YIPF5: variants seen among roughly 807,000 people sequenced by gnomAD.
YIPF5 encodes the protein protein YIPF5.
A neutral mutation model predicts 30.4 loss-of-function variants in YIPF5; 8 were observed. The observed-to-expected ratio is 0.26, with a 90% CI of 0.15 to 0.47. The LOEUF (loss-of-function observed/expected upper bound fraction) is 0.47. Among genes scored for constraint, YIPF5 ranks in the 20% least tolerant of loss-of-function variants. YIPF5 has a pLI of 0.99. For missense variants in YIPF5, 282 were observed against 301.8 expected, an observed-to-expected ratio of 0.93 and a Z score of 0.49; for synonymous variants, 104 against 107.9, an observed-to-expected ratio of 0.96 and a Z score of 0.23.
chr5:144,167,899 G>C (rs2126762228), intron 2 of YIPF5, among the ~76,000 whole-genome samples: 1 of 149,130 alleles, frequency 6.7e-6, no homozygotes, highest in South Asian at 2.1e-4. Context: ...AATATTATTT[G>C]GTTAACGGAG....
intron 2 of YIPF5, among the ~76,000 whole-genome samples, chr5:144,167,048 CTT>C (rs1185456968): frequency 6.6e-6 from 1 of 152,106 alleles, no homozygotes; most frequent in Non-Finnish European, 1.5e-5. Context: ...ATGAAAATAA[CTT>C]TGACTTTAAA....
chr5:144,165,335 T>C, intron 3 of YIPF5, 97 bp downstream of exon 3: 6 of 1,482,658 alleles, frequency 4.0e-6, no homozygotes, highest in Non-Finnish European at 5.4e-6. Context: ...ACAGATTATT[T>C]TTTTTAAAGG....
chr5:144,164,986 C>A (rs1752162405), intron 3 of YIPF5, among the ~76,000 whole-genome samples: 1 of 151,950 alleles, frequency 6.6e-6, no homozygotes, highest in Non-Finnish European at 1.5e-5. Flanking sequence ...GTGTTCATAC[C>A]TTTCATTAGA....
Position 144,164,210 on chromosome 5 carries a change from T to C in YIPF5, c.330A>G (p.Val110=), listed in dbSNP as rs1752132977. 2.5e-6 allele frequency: 4 copies of C among 1,613,110 alleles called. No homozygotes were observed. Among genetic ancestry groups the C allele is most frequent in the Non-Finnish European group, 2.5e-6 (3 of 1,179,580 alleles). ...CATCTGCTACTTTTAACGGATGTAATACTGTTAGTGTTTTTTGCCAGATGT... is the reference window on the plus strand; with the variant it reads ...CATCTGCTACTTTTAACGGATGTAACACTGTTAGTGTTTTTTGCCAGATGT... ...FDHIWQKTLT[V]LHPLKVADGS... is the part of the protein sequence containing the mutation. The change falls in exon 4 of 6, where the codon GTA becomes GTG. Residue 110 remains valine, a synonymous_variant. Transcript: ENST00000274496.
intron 4 of YIPF5, among the ~76,000 whole-genome samples, chr5:144,163,516 C>T (rs898669263): frequency 6.6e-6 from 1 of 152,102 alleles, no homozygotes; most frequent in African/African-American, 2.4e-5. Flanking sequence ...TGATCAGGAG[C>T]ACTCAGTTCA....
In YIPF5 at chr5:144,165,505, A is replaced by G; in HGVS notation, c.210T>C (p.Thr70=). Residue 70 remains threonine (T), a synonymous_variant, in exon 3 of 6, where the codon ACT becomes ACC. Coordinates refer to ENST00000274496, the MANE Select transcript of YIPF5 (RefSeq NM_030799.9). ...GAGGTGAAGCTGGAGTATATGCCTG[A>G]GTTGGCTGGTAAATCTGCCCGGTGT... ...QPYTGQIYQP[T]QAYTPASPQP... is the part of the protein sequence containing the mutation. 4 of 1,614,172 alleles carry G rather than the reference A, an allele frequency of 2.5e-6. No individual in the cohort carries two copies. In the East Asian group the frequency reaches 8.9e-5, roughly 36 times the overall value.
chr5:144,164,670 G>C (rs1260506370), intron 3 of YIPF5, among the ~76,000 whole-genome samples: 1 of 151,898 alleles, frequency 6.6e-6, no homozygotes, highest in African/African-American at 2.4e-5. Flanking sequence ...AAAGCACTGG[G>C]ATTACAGGCG....
At chr5:144,168,996 G>A (rs1752279291) in intron 2 of YIPF5, among the ~76,000 whole-genome samples, 1 of 152,048 alleles carries the variant, frequency 6.6e-6, no homozygotes, top group South Asian at 2.1e-4. Flanking sequence ...CATTTATTTG[G>A]GTGTTTGAGT....
chr5:144,168,686 G>A (rs1752267773), intron 2 of YIPF5, among the ~76,000 whole-genome samples: 1 of 152,128 alleles, frequency 6.6e-6, no homozygotes, highest in African/African-American at 2.4e-5. Flanking sequence ...TTTTAGAGGG[G>A]AAAACAAAGC....
chr5:144,159,938 G>A lies in YIPF5; in HGVS notation c.*459C>T. ...TTAACCAGGATGGTCTCGATCTCCT[G>A]CCCTTGTGATCCGCCCGCCTCGGCC... On this transcript the variant is annotated 3_prime_UTR_variant, in exon 6 of 6. Coordinates refer to ENST00000274496, the MANE Select transcript of YIPF5 (RefSeq NM_030799.9). 1 of 862,402 alleles carries A rather than the reference G, an allele frequency of 1.2e-6. No homozygotes were observed. Among genetic ancestry groups the A allele is most frequent in the Non-Finnish European group, 1.4e-6 (1 of 718,010 alleles). The allele number at this position is 862,402 out of a possible 1,614,324, so 53.4% of individuals were successfully genotyped here.
chr5:144,163,298 C>T (rs2126758256), intron 4 of YIPF5, among the ~76,000 whole-genome samples: 1 of 152,230 alleles, frequency 6.6e-6, no homozygotes, highest in South Asian at 2.1e-4. Context: ...ATTAAAAATG[C>T]AGAAGTTTGA....
intron 5 of YIPF5, among the ~76,000 whole-genome samples, chr5:144,161,185 C>T (rs964182936): frequency 6.6e-6 from 1 of 152,080 alleles, no homozygotes; most frequent in African/African-American, 2.4e-5. Flanking sequence ...TCTTCTCCTC[C>T]CAAACCTCCA....
chr5:144,161,166 A>G (rs998546922), intron 5 of YIPF5, among the ~76,000 whole-genome samples: 9 of 152,074 alleles, frequency 5.9e-5, no homozygotes, highest in African/African-American at 2.2e-4. Flanking sequence ...AATAATCGAC[A>G]TATTTGTCTC....
At chr5:144,166,897 TA>T (rs1752217757) in intron 2 of YIPF5, among the ~76,000 whole-genome samples, 1 of 152,190 alleles carries the variant, frequency 6.6e-6, no homozygotes. Flanking sequence ...GAGTGATGAA[TA>T]ATATGATGAC....
chr5:144,158,701 CTTTTTTAAA>C lies in YIPF5; in HGVS notation c.*1687_*1695del, dbSNP rs1345167302. ...GCCTATCAAATTACCTTCCAAATTGCTTTTTTAAAGCAATTTGGTAAGTTTGAAAACCTA... is the reference window on the plus strand; with the variant it reads ...GCCTATCAAATTACCTTCCAAATTGCGCAATTTGGTAAGTTTGAAAACCTA... On this transcript the variant is annotated 3_prime_UTR_variant, in exon 6 of 6. Coordinates refer to ENST00000274496, the MANE Select transcript of YIPF5 (RefSeq NM_030799.9). The C allele has an allele frequency of 2.0e-6, 2 of 1,017,456 alleles. No homozygotes were observed. Among genetic ancestry groups the C allele is most frequent in the African/African-American group, 3.5e-5 (2 of 57,326 alleles). 63.0% of individuals were successfully genotyped at this position (1,017,456 alleles called of 1,614,324 possible). A position where few individuals can be genotyped will look rare whatever the true frequency, so the allele number is the denominator to read the frequency against.
chr5:144,170,145 G>T, intron 1 of YIPF5, 180 bp from the exon 2 acceptor site: 2 of 596,274 alleles, frequency 3.4e-6, no homozygotes, highest in Non-Finnish European at 3.0e-6. Context: ...GTAAGAAAAT[G>T]TATATTCTTT....
At chr5:144,170,497 A>G (rs937195701) in intron 1 of YIPF5, 38 bp downstream of exon 1, 1 of 160,586 alleles carries the variant, frequency 6.2e-6, no homozygotes, top group Non-Finnish European at 1.4e-5. Context: ...GGGTGTGGAG[A>G]GAAGCTGAAC....
At chr5:144,166,868 A>G (rs1390372974) in intron 2 of YIPF5, among the ~76,000 whole-genome samples, 1 of 152,150 alleles carries the variant, frequency 6.6e-6, no homozygotes, top group Non-Finnish European at 1.5e-5. Flanking sequence ...CTGTCTGCCA[A>G]CTCTCTAACA....
chr5:144,167,500 A>G (rs918239136), intron 2 of YIPF5, among the ~76,000 whole-genome samples: 5 of 152,224 alleles, frequency 3.3e-5, no homozygotes, highest in Admixed American at 2.0e-4. Context: ...AAGTCAAAGA[A>G]GAAAAAAAAT....
Sources: gnomAD v4.1 joint callset for allele counts (sites outside exome capture counted in the v4.1 genomes callset) on GRCh38, gnomAD v4.1.1 for gene constraint, MANE v1.5 for transcripts, NCBI Gene and HGNC (gene_info 2026-07-23, HGNC 2026-07-21) for gene names.